SLF1: variants seen among roughly 807,000 people sequenced by gnomAD.
The protein encoded by SLF1 is SMC5-SMC6 complex localization factor protein 1.
SLF1 carries 105 observed loss-of-function variants against 123.0 expected under a neutral mutation model. The ratio of observed to expected loss-of-function variants is 0.85; its 90% CI spans 0.73 to 1.00. The LOEUF (loss-of-function observed/expected upper bound fraction) is 1.00, where lower values mean the gene tolerates loss of function less well. Ranked by LOEUF, SLF1 falls within the 50% of genes least tolerant of loss-of-function variation. The probability of loss-of-function intolerance (pLI) is 0.00; values close to 1 mark genes in which losing one functional copy is unlikely to be tolerated. For missense variants in SLF1, 1,239 were observed against 1,223.0 expected, an observed-to-expected ratio of 1.01 and a Z score of -0.20; for synonymous variants, 434 against 406.6, an observed-to-expected ratio of 1.07 and a Z score of -0.81.
At chr5:94,676,353 C>A (rs1431555337) in intron 14 of SLF1, among the ~76,000 whole-genome samples, 1 of 152,158 alleles carries the variant, frequency 6.6e-6, no homozygotes, top group African/African-American at 2.4e-5. Flanking sequence ...TTTCTGGAGA[C>A]TAGCACTAGA....
intron 7 of SLF1, 47 bp from the exon 8 acceptor site, chr5:94,653,225 C>T (rs961075235): frequency 2.4e-5 from 34 of 1,430,188 alleles, no homozygotes; most frequent in Admixed American, 8.5e-5. Context: ...GATTTTGTAA[C>T]ATATGTCATT....
intron 16 of SLF1, among the ~76,000 whole-genome samples, chr5:94,688,008 GTAGATATTAATATCTATCTT>G (rs1373766674): frequency 4.0e-5 from 6 of 150,596 alleles, no homozygotes; most frequent in African/African-American, 1.2e-4. Context: ...ATTTAGATAT[GTAGATATTAATATCTATCTT>G]TAGATATTAA....
chr5:94,653,528 A>G (rs376124176), intron 8 of SLF1, 107 bp downstream of exon 8: 9 of 957,354 alleles, frequency 9.4e-6, no homozygotes, highest in South Asian at 3.9e-5. Flanking sequence ...TCTTGAGTCA[A>G]TCTGGTGTAA....
At chr5:94,678,632 G>C in intron 14 of SLF1, 176 bp from the exon 15 acceptor site, 1 of 510,480 alleles carries the variant, frequency 2.0e-6, no homozygotes, top group East Asian at 3.2e-5. Flanking sequence ...TGGAGAGAGA[G>C]AGAGATGGAG....
intron 6 of SLF1, among the ~76,000 whole-genome samples, 175 bp downstream of exon 6, chr5:94,649,772 T>C (rs1242029250): frequency 6.6e-6 from 1 of 152,216 alleles, no homozygotes; most frequent in Non-Finnish European, 1.5e-5. Flanking sequence ...CTGGGAACTC[T>C]TGTTGAAGTA....
intron 9 of SLF1, among the ~76,000 whole-genome samples, chr5:94,660,694 C>T (rs77291723): frequency 0.029 from 4,423 of 152,232 alleles, 86 homozygotes; most frequent in Non-Finnish European, 0.044. Context: ...CCTGGGACAA[C>T]CCCCCAGTGG....
chr5:94,633,299 C>T (rs2152468462), intron 4 of SLF1, among the ~76,000 whole-genome samples: 1 of 152,246 alleles, frequency 6.6e-6, no homozygotes. Context: ...TTGATTCATT[C>T]TTAAATGTTA....
At chr5:94,619,666 A>G (rs911361110) in intron 1 of SLF1, among the ~76,000 whole-genome samples, 11 of 152,178 alleles carry the variant, frequency 7.2e-5, no homozygotes, top group Admixed American at 2.0e-4. Context: ...TTTACAATGT[A>G]TGTGTGACAG....
chr5:94,638,386 A>C (rs1678153625), intron 4 of SLF1, among the ~76,000 whole-genome samples: 1 of 151,796 alleles, frequency 6.6e-6, no homozygotes, highest in South Asian at 2.1e-4. Flanking sequence ...TCACCGTGTT[A>C]GCCAGGCTAG....
chr5:94,651,902 C>A, intron 7 of SLF1, 57 bp downstream of exon 7: 1 of 899,328 alleles, frequency 1.1e-6, no homozygotes, highest in Non-Finnish European at 1.5e-6. Flanking sequence ...GTTTATAGAA[C>A]AGTTTTCTTT....
Position 94,665,891 on chromosome 5 carries a change from T to C in SLF1, c.1399T>C (p.Phe467Leu). The change falls in exon 12 of 21, where the codon TTT becomes CTT. Residue 467 changes from phenylalanine to leucine, a missense_variant. Phe to Leu is a conservative substitution (Grantham distance 22). Coordinates refer to ENST00000265140, the MANE Select transcript of SLF1 (RefSeq NM_032290.4). The stretch of plus-strand genomic sequence containing the variant: ...CATAGATACATTTTCTGGTCGATAC[T>C]TTCATATATTGTCAGCTCTTCTTCA... The part of the protein sequence containing the change: ...DNIDTFSGRY[F>L]HILSALLHLH... The C allele has an allele frequency of 6.5e-7, 1 of 1,548,414 alleles. No homozygotes were observed. Among genetic ancestry groups the C allele is most frequent in the Non-Finnish European group, 8.7e-7 (1 of 1,144,008 alleles).
At chr5:94,631,385 A>C (rs571046315) in intron 4 of SLF1, among the ~76,000 whole-genome samples, 2 of 152,312 alleles carry the variant, frequency 1.3e-5, no homozygotes, top group African/African-American at 4.8e-5. Context: ...TTATCCTATA[A>C]TGTTCTCTTG....
chr5:94,643,102 T>C (rs1056085643), intron 4 of SLF1, among the ~76,000 whole-genome samples, 171 bp from the exon 5 acceptor site: 2 of 152,162 alleles, frequency 1.3e-5, no homozygotes, highest in Non-Finnish European at 2.9e-5. Flanking sequence ...CTCTGAACAA[T>C]TTATAATTTA....
In SLF1 at chr5:94,654,732, A is replaced by G; in HGVS notation, c.1135A>G (p.Lys379Glu). The G allele has an allele frequency of 1.3e-6, 2 of 1,539,508 alleles. No homozygotes were observed. Among genetic ancestry groups the G allele is most frequent in the Non-Finnish European group, 1.8e-6 (2 of 1,140,830 alleles). The change falls in exon 9 of 21, where the codon AAG becomes GAG. Residue 379 changes from lysine (K) to glutamate (E), a missense_variant. Lys to Glu is a moderately conservative substitution (Grantham distance 56). Coordinates refer to ENST00000265140, the MANE Select transcript of SLF1 (RefSeq NM_032290.4). The part of the protein sequence containing the change: ...DVVEIKNTLR[K>E]HIYRAQAVRY... ...TGTTGAAATAAAAAATACCTTAAGG[A>G]AGCACATATATAGAGCTCAGGTAAA... is the stretch of plus-strand genomic sequence containing the variant.
At chr5:94,656,768 A>C (rs537937848) in intron 9 of SLF1, among the ~76,000 whole-genome samples, 1 of 151,916 alleles carries the variant, frequency 6.6e-6, no homozygotes, top group East Asian at 1.9e-4. Flanking sequence ...GTTGGTGTAT[A>C]GTTCATAATA....
Position 94,629,118 on chromosome 5 carries a change from A to G in SLF1, c.141A>G (p.Ile47Met). 1 of 1,549,170 alleles carries G rather than the reference A, an allele frequency of 6.5e-7. No individual in the cohort carries two copies. Among genetic ancestry groups the G allele is most frequent in the Non-Finnish European group, 8.7e-7 (1 of 1,146,056 alleles). The change falls in exon 3 of 21, where the codon ATA (isoleucine) becomes ATG (methionine). Residue 47 changes from isoleucine to methionine, a missense_variant. Ile to Met is a conservative substitution (Grantham distance 10). Coordinates refer to ENST00000265140, the MANE Select transcript of SLF1 (RefSeq NM_032290.4). ...SEKYKNCTHLIAERLCKSEKF... is the reference protein window; with the variant it reads ...SEKYKNCTHLMAERLCKSEKF... Reference sequence around the variant, plus strand: ...AATACAAAAATTGTACACATCTTATAGCTGAACGCCTATGTAAGAGTGAAA... The same window carrying G: ...AATACAAAAATTGTACACATCTTATGGCTGAACGCCTATGTAAGAGTGAAA...
chr5:94,680,219 G>A (rs1046343273), intron 15 of SLF1, among the ~76,000 whole-genome samples: 3 of 152,130 alleles, frequency 2.0e-5, no homozygotes, highest in African/African-American at 7.2e-5. Flanking sequence ...GGATTTATTC[G>A]ATGATGCCCT....
At chr5:94,635,159 C>T (rs927306846) in intron 4 of SLF1, among the ~76,000 whole-genome samples, 1 of 151,856 alleles carries the variant, frequency 6.6e-6, no homozygotes, top group African/African-American at 2.4e-5. Context: ...AATAGTTTTG[C>T]AGTTTCAGGT....
intron 1 of SLF1, among the ~76,000 whole-genome samples, 169 bp downstream of exon 1, chr5:94,618,934 G>C (rs1225362849): frequency 3.3e-5 from 5 of 152,184 alleles, no homozygotes; most frequent in Admixed American, 2.6e-4. Context: ...GCTGCAGTTC[G>C]TTCCAGCTCT....
Sources: gnomAD v4.1 joint callset for allele counts (sites outside exome capture counted in the v4.1 genomes callset) on GRCh38, gnomAD v4.1.1 for gene constraint, MANE v1.5 for transcripts, NCBI Gene and HGNC (gene_info 2026-07-23, HGNC 2026-07-21) for gene names.